ZNF397: variants seen among roughly 807,000 people sequenced by gnomAD.
The protein encoded by ZNF397 is zinc finger protein 397.
ZNF397 carries 38 observed loss-of-function variants against 50.6 expected under a neutral mutation model. The ratio of observed to expected loss-of-function variants is 0.75; its 90% CI spans 0.58 to 0.98. ZNF397 has a LOEUF of 0.98. Ranked by LOEUF, ZNF397 falls within the 50% of genes least tolerant of loss-of-function variation. The probability of loss-of-function intolerance (pLI) is 0.00; values close to 1 mark genes in which losing one functional copy is unlikely to be tolerated. For synonymous variants in ZNF397, 228 were observed against 215.2 expected, an observed-to-expected ratio of 1.06 and a Z score of -0.52; for missense variants, 624 against 624.1, an observed-to-expected ratio of 1.00 and a Z score of 0.00.
chr18:35,247,240 GGGCC>G lies in ZNF397; in HGVS notation c.*931_*934del. 8 of 938,066 alleles carry G rather than the reference GGGCC, an allele frequency of 8.5e-6. No individual in the cohort carries two copies. Among genetic ancestry groups the G allele is most frequent in the Non-Finnish European group, 1.0e-5 (8 of 786,778 alleles). The allele number at this position is 938,066 out of a possible 1,614,324, so 58.1% of individuals were successfully genotyped here. A position where few individuals can be genotyped will look rare whatever the true frequency, so the allele number is the denominator to read the frequency against. ...TTAATAGACAAAACCTGGAGCCCTT[GGGCC>G]ACAGGGTAGTCAAGAGCTTTGTCTT... is the stretch of plus-strand genomic sequence containing the variant. On this transcript the variant is annotated 3_prime_UTR_variant, in exon 4 of 4. Coordinates refer to ENST00000330501, the MANE Select transcript of ZNF397 (RefSeq NM_001135178.3).
In ZNF397 at chr18:35,246,620, A is replaced by C. The variant is rs905246639; in HGVS notation, c.*310A>C. On this transcript the variant is annotated 3_prime_UTR_variant, in exon 4 of 4. Coordinates refer to ENST00000330501, the MANE Select transcript of ZNF397 (RefSeq NM_001135178.3). ...TGTATGAAAGTGTCATGAATATAGC[A>C]ACCCAGGCTCTGTCACTGCATCTGA... The C allele has an allele frequency of 4.6e-6, 5 of 1,093,168 alleles. No homozygotes were observed. In the Admixed American group the frequency reaches 1.4e-4, roughly 31 times the overall value. The allele number at this position is 1,093,168 out of a possible 1,614,324, so 67.7% of individuals were successfully genotyped here.
chr18:35,244,307 CAT>C (rs1187285639), intron 3 of ZNF397, among the ~76,000 whole-genome samples: 1 of 152,306 alleles, frequency 6.6e-6, no homozygotes, highest in African/African-American at 2.4e-5. Flanking sequence ...AATGAGAAAA[CAT>C]AAGGAAAAAC....
chr18:35,254,558 C>T (rs1276175903), downstream of ZNF397: 1 of 1,102,254 alleles, frequency 9.1e-7, no homozygotes, highest in Non-Finnish European at 1.3e-6. Context: ...ATATGGCCCC[C>T]TTGGAGAGTA....
Position 35,242,637 on chromosome 18 carries a change from T to G in ZNF397, c.167T>G (p.Phe56Cys), listed in dbSNP as rs984857170. 2 of 1,614,172 alleles carry G rather than the reference T, an allele frequency of 1.2e-6. No homozygotes were observed. Among genetic ancestry groups the G allele is most frequent in the Non-Finnish European group, 1.7e-6 (2 of 1,180,030 alleles). ...QELFRQQFRKFCYQETPGPRE... is the reference protein window; with the variant it reads ...QELFRQQFRKCCYQETPGPRE... ...TTGTTTCGTCAGCAATTCAGAAAATTTTGCTACCAGGAGACACCTGGGCCC... is the reference window on the plus strand; with the variant it reads ...TTGTTTCGTCAGCAATTCAGAAAATGTTGCTACCAGGAGACACCTGGGCCC... The change falls in exon 2 of 4, where the codon TTT becomes TGT. Residue 56 changes from phenylalanine (F) to cysteine (C), a missense_variant. Physicochemically the swap from Phe to Cys is radical, Grantham distance 205. Coordinates refer to ENST00000330501, the MANE Select transcript of ZNF397 (RefSeq NM_001135178.3).
downstream of ZNF397, chr18:35,253,851 A>G: frequency 6.2e-7 from 1 of 1,614,204 alleles, no homozygotes; most frequent in Non-Finnish European, 8.5e-7. Context: ...GCTTTTCCAC[A>G]TTCACAACAT....
chr18:35,252,052 A>C (rs1035402739), downstream of ZNF397: 1 of 152,206 alleles, frequency 6.6e-6, no homozygotes, highest in Non-Finnish European at 1.5e-5. Context: ...TGAAGATAAG[A>C]TAGGATCTGG....
At chr18:35,254,048 G>A (rs570840975), downstream of ZNF397, 1 of 1,614,126 alleles carries the variant, frequency 6.2e-7, no homozygotes, top group Admixed American at 1.7e-5. Flanking sequence ...CTTTTCCCTA[G>A]TGTCAACGCT....
downstream of ZNF397, chr18:35,254,503 T>C (rs778898768): frequency 9.1e-6 from 14 of 1,541,094 alleles, no homozygotes; most frequent in South Asian, 1.2e-5. Flanking sequence ...TTCTCAAAAC[T>C]AGATTCCCAA....
chr18:35,257,624 C>A (rs966211423), intron 5 of ZNF397: 3 of 391,988 alleles, frequency 7.7e-6, no homozygotes, highest in East Asian at 9.2e-5. Context: ...GTGTTGTTTA[C>A]AAGCCACTCA....
chr18:35,254,405 A>G, downstream of ZNF397: 1 of 1,613,870 alleles, frequency 6.2e-7, no homozygotes, highest in Non-Finnish European at 8.5e-7. Flanking sequence ...TAGAAAGTGT[A>G]AGTATCATTT....
At position 35,242,455 on chromosome 18, in the gene ZNF397, G is replaced by C; in HGVS notation, c.-16G>C. 1 of 1,602,184 alleles carries C rather than the reference G, an allele frequency of 6.2e-7. No homozygotes were observed. The highest frequency in any genetic ancestry group is 8.5e-7 in the Non-Finnish European group (1 of 1,173,742). On this transcript the variant is annotated 5_prime_UTR_variant, in exon 2 of 4. Coordinates refer to ENST00000330501, the MANE Select transcript of ZNF397 (RefSeq NM_001135178.3). ...CCAGTTGTACTGAGCTTTTTGCTAAGCTGTTTCAGCCAAGAATGGCTGTGG... is the reference window on the plus strand; with the variant it reads ...CCAGTTGTACTGAGCTTTTTGCTAACCTGTTTCAGCCAAGAATGGCTGTGG...
At chr18:35,253,362 G>A, downstream of ZNF397, 1 of 1,091,478 alleles carries the variant, frequency 9.2e-7, no homozygotes, top group Non-Finnish European at 1.3e-6. Context: ...CAGAAGTTCT[G>A]CTCTCAGGAA....
At chr18:35,245,213 G>T in intron 3 of ZNF397, 49 bp from the exon 4 acceptor site, 1 of 1,495,746 alleles carries the variant, frequency 6.7e-7, no homozygotes, top group South Asian at 1.4e-5. Context: ...AAGTTTTGAC[G>T]GTGACAAGAG....
chr18:35,256,287 G>A (rs750394848), intron 5 of ZNF397: 1 of 152,178 alleles, frequency 6.6e-6, no homozygotes, highest in African/African-American at 2.4e-5. Context: ...ACTGGGCACG[G>A]TGGCTCACAC....
At chr18:35,252,737 TTACTG>T (rs2043642901), downstream of ZNF397, 2 of 152,156 alleles carry the variant, frequency 1.3e-5, no homozygotes, top group Admixed American at 6.5e-5. Flanking sequence ...TTACCACACT[TTACTG>T]TAATTACTGT....
At position 35,246,680 on chromosome 18, in the gene ZNF397, CTG is replaced by C. The variant is rs1252453876; in HGVS notation, c.*375_*376del. On this transcript the variant is annotated 3_prime_UTR_variant, in exon 4 of 4. Coordinates refer to ENST00000330501, the MANE Select transcript of ZNF397 (RefSeq NM_001135178.3). ...TGCCAGGTTATGGGGCTGGTGTGGA[CTG>C]TGTGAGGCACTTCGTCTCAGGAACT... 1 of 992,086 alleles carries C rather than the reference CTG, an allele frequency of 1.0e-6. No homozygotes were observed. The highest frequency in any genetic ancestry group is 1.2e-6 in the Non-Finnish European group (1 of 835,996). The allele number at this position is 992,086 out of a possible 1,614,324, so 61.5% of individuals were successfully genotyped here.
chr18:35,245,235 C>G (rs1222824487), intron 3 of ZNF397, 27 bp from the exon 4 acceptor site: 5 of 1,551,408 alleles, frequency 3.2e-6, no homozygotes, highest in Non-Finnish European at 3.5e-6. Context: ...AATGTAATAT[C>G]TGTTTTTTTG....
intron 3 of ZNF397, among the ~76,000 whole-genome samples, chr18:35,244,900 G>A (rs753225287): frequency 8.5e-5 from 13 of 152,144 alleles, no homozygotes; most frequent in Non-Finnish European, 1.6e-4. Context: ...TTGAGAGAGA[G>A]TGAGGTTGCT....
At position 35,245,483 on chromosome 18, in the gene ZNF397, G is replaced by A. The variant is rs150654154; in HGVS notation, c.778G>A (p.Asp260Asn). 17 of 1,552,654 alleles carry A rather than the reference G, an allele frequency of 1.1e-5. No homozygotes were observed. The highest frequency in any genetic ancestry group is 1.5e-5 in the Non-Finnish European group (17 of 1,147,320). The change falls in exon 4 of 4, where the codon GAT becomes AAT. Residue 260 changes from aspartate (D) to asparagine (N), a missense_variant. Asp to Asn is a conservative substitution (Grantham distance 23). Transcript: ENST00000330501. Reference sequence around the variant, plus strand: ...ATCTCTAGGAAAGAGAGACCTTTATGATGAGGCTGAAAGATGCTTGATTCT... The same window carrying A: ...ATCTCTAGGAAAGAGAGACCTTTATAATGAGGCTGAAAGATGCTTGATTCT... The part of the protein sequence containing the change: ...NKSLGKRDLY[D>N]EAERCLILTT...
Sources: gnomAD v4.1 joint callset for allele counts (sites outside exome capture counted in the v4.1 genomes callset) on GRCh38, gnomAD v4.1.1 for gene constraint, MANE v1.5 for transcripts, NCBI Gene and HGNC (gene_info 2026-07-23, HGNC 2026-07-21) for gene names.